Variants in KIF5B observed in about 807,000 individuals in gnomAD.
KIF5B encodes the protein kinesin-1 heavy chain.
In KIF5B, 49 loss-of-function variants were observed where a neutral mutation model predicts 132.8. The observed-to-expected ratio is 0.37, with a 90% CI of 0.29 to 0.47. The LOEUF (loss-of-function observed/expected upper bound fraction) is 0.47, where lower values mean the gene tolerates loss of function less well. Among genes scored for constraint, KIF5B ranks in the 20% least tolerant of loss-of-function variants. KIF5B has a pLI of 1.00. For synonymous variants in KIF5B, 355 were observed against 369.4 expected (o/e 0.96, Z 0.45); for missense variants, 780 against 1,144.0 (o/e 0.68, Z 4.59).
intron 2 of KIF5B, among the ~76,000 whole-genome samples, chr10:32,047,457 A>T (rs1471124922): frequency 6.6e-6 from 1 of 152,154 alleles, no homozygotes; most frequent in Non-Finnish European, 1.5e-5. Flanking sequence ...TTCAGCAGCT[A>T]ACCTTGAGTG....
chr10:32,053,421 T>TAA (rs34885039), intron 1 of KIF5B, among the ~76,000 whole-genome samples: 114 of 135,856 alleles, frequency 8.4e-4, no homozygotes, highest in South Asian at 1.2e-3. Flanking sequence ...GGTTACACGT[T>TAA]AAAAAAAAAA....
At position 32,048,246 on chromosome 10, in the gene KIF5B, T is replaced by C. The variant is rs184830569; in HGVS notation, c.214+218A>G. Among the ~76,000 whole-genome samples the C allele has an allele frequency of 5.4e-4, 83 of 152,352 alleles. 1 individual carries two copies. Among genetic ancestry groups the C allele is most frequent in the Middle Eastern group, 3.4e-3 (1 of 294 alleles). ...TAAGTGTGTAACATAGTTCTCATAA[T>C]AACCTTAATTAGGTACTGTATATAA... On this transcript the variant is annotated intron_variant, in intron 2 of 25. Transcript: ENST00000302418.
chr10:32,044,410 G>A lies in KIF5B; in HGVS notation c.215-3953C>T, dbSNP rs569101794. Among the ~76,000 whole-genome samples the A allele has an allele frequency of 1.1e-4, 16 of 152,234 alleles. No individual in the cohort carries two copies. The South Asian group carries it at 2.5e-3, about 24-fold the overall frequency. On this transcript the variant is annotated intron_variant, in intron 2 of 25. Transcript: ENST00000302418. ...ACACATGCCGGGCGTGGTGGCTCAC[G>A]CCTGTGATCCCAGCACTTTGGGAGG... is the stretch of plus-strand genomic sequence containing the variant.
At chr10:32,018,617 TAGC>T in intron 20 of KIF5B, 55 bp from the exon 21 acceptor site, 1 of 1,289,280 alleles carries the variant, frequency 7.8e-7, no homozygotes, top group Admixed American at 1.9e-5. Flanking sequence ...ATATTGTACT[TAGC>T]ATGAGAGTTG....
At chr10:32,022,668 C>A (rs573378792) in intron 16 of KIF5B, among the ~76,000 whole-genome samples, 180 bp downstream of exon 16, 1 of 152,192 alleles carries the variant, frequency 6.6e-6, no homozygotes, top group East Asian at 1.9e-4. Flanking sequence ...CTATACATAA[C>A]CCATATTTAT....
intron 20 of KIF5B, among the ~76,000 whole-genome samples, chr10:32,018,969 T>C (rs1350767213): frequency 6.6e-6 from 1 of 152,008 alleles, no homozygotes; most frequent in Non-Finnish European, 1.5e-5. Flanking sequence ...GTGCTGAGAT[T>C]ATGGGTGTGA....
chr10:32,016,590 A>G (rs915226508), intron 24 of KIF5B, among the ~76,000 whole-genome samples: 8 of 151,970 alleles, frequency 5.3e-5, no homozygotes, highest in Non-Finnish European at 1.2e-4. Context: ...CAATGGTGCA[A>G]TCTTGGCTCA....
chr10:32,035,683 A>G lies in KIF5B; in HGVS notation c.817-16T>C. On this transcript the variant is annotated splice_polypyrimidine_tract_variant and intron_variant, in intron 9 of 25. Coordinates refer to ENST00000302418, the MANE Select transcript of KIF5B (RefSeq NM_004521.3). Reference sequence around the variant, plus strand: ...GAACATATGTCTGCATACAAAAACAAAGAAAGAAAACAAGACCAGTATAAT... The same window carrying G: ...GAACATATGTCTGCATACAAAAACAGAGAAAGAAAACAAGACCAGTATAAT... The G allele has an allele frequency of 1.3e-6, 2 of 1,588,296 alleles. No homozygotes were observed. Among genetic ancestry groups the G allele is most frequent in the Non-Finnish European group, 1.7e-6 (2 of 1,170,454 alleles).
chr10:32,035,707 A>G, intron 9 of KIF5B, 40 bp from the exon 10 acceptor site: 1 of 1,551,000 alleles, frequency 6.4e-7, no homozygotes, highest in Non-Finnish European at 8.7e-7. Flanking sequence ...GACCAGTATA[A>G]TAAAATGTTA....
rs1212368562 is a variant in KIF5B, at chr10:32,036,715, A to AT, written c.711+538dup. On this transcript the variant is annotated intron_variant, in intron 8 of 25. Coordinates refer to ENST00000302418, the MANE Select transcript of KIF5B (RefSeq NM_004521.3). ...GACTTCAGAGTAGAACGGAATAGAT[A>AT]TATCATTCTAAGCAGAAGAAACAAA... is the stretch of plus-strand genomic sequence containing the variant. 9.8e-5 allele frequency among the ~76,000 whole-genome samples: 15 copies of AT among 152,400 alleles called. No individual in the cohort carries two copies. The South Asian group carries it at 2.1e-3, about 21-fold the overall frequency.
chr10:32,029,266 T>C (rs374712934), intron 14 of KIF5B, among the ~76,000 whole-genome samples: 3 of 152,232 alleles, frequency 2.0e-5, no homozygotes, highest in Admixed American at 6.5e-5. Flanking sequence ...TTTTGAGTGC[T>C]TGCATGATGC....
Position 32,028,398 on chromosome 10 carries a change from T to C in KIF5B, c.1725+30A>G, listed in dbSNP as rs1006949221. 24 of 1,564,074 alleles carry C rather than the reference T, an allele frequency of 1.5e-5. 2 individuals carry two copies. The highest frequency in any genetic ancestry group is 1.1e-5 in the South Asian group (1 of 88,664). ...CAAAAGTGCCAGTGTATACAGATAA[T>C]TGTCCTTAATACTTAGTTATTATAT... On this transcript the variant is annotated intron_variant, in intron 15 of 25. Transcript: ENST00000302418.
chr10:32,031,390 C>G, intron 13 of KIF5B, 111 bp from the exon 14 acceptor site: 1 of 763,396 alleles, frequency 1.3e-6, no homozygotes. Flanking sequence ...GGATGGTATT[C>G]AGTGTGGCAA....
At chr10:32,052,581 T>A (rs1841706801) in intron 1 of KIF5B, among the ~76,000 whole-genome samples, 1 of 152,218 alleles carries the variant, frequency 6.6e-6, no homozygotes, top group African/African-American at 2.4e-5. Context: ...GTAATTTTTT[T>A]ATTGATTTTT....
intron 23 of KIF5B, among the ~76,000 whole-genome samples, chr10:32,017,569 A>G (rs1187438207): frequency 6.6e-6 from 1 of 152,174 alleles, no homozygotes; most frequent in East Asian, 1.9e-4. Context: ...ATTTCCTTTA[A>G]TTTTTTAGGG....
rs1384425995 is a variant in KIF5B, at chr10:32,024,342, G to C, written c.1726-1306C>G. ...GCTAATTTTTTGTATTTTTAGTAGA[G>C]ACGGGGTTTCACCGTTTTAGCCAGG... is the stretch of plus-strand genomic sequence containing the variant. On this transcript the variant is annotated intron_variant, in intron 15 of 25. Transcript: ENST00000302418. 2.7e-5 allele frequency among the ~76,000 whole-genome samples: 4 copies of C among 145,666 alleles called. No homozygotes were observed. The East Asian group carries it at 6.1e-4, about 22-fold the overall frequency.
At chr10:32,016,743 T>C (rs1287818011) in intron 24 of KIF5B, among the ~76,000 whole-genome samples, 1 of 152,170 alleles carries the variant, frequency 6.6e-6, no homozygotes, top group Non-Finnish European at 1.5e-5. Context: ...TTTCACCATG[T>C]TAGGCTGGTC....
At chr10:32,032,046 A>G (rs949637098) in intron 13 of KIF5B, among the ~76,000 whole-genome samples, 1 of 151,540 alleles carries the variant, frequency 6.6e-6, no homozygotes, top group Non-Finnish European at 1.5e-5. Flanking sequence ...TCTGAACTGC[A>G]GGGATGCCAA....
intron 17 of KIF5B, 42 bp downstream of exon 17, chr10:32,022,098 A>G (rs1328395901): frequency 1.1e-6 from 1 of 948,806 alleles, no homozygotes; most frequent in African/African-American, 1.7e-5. Flanking sequence ...TTATACTAAA[A>G]TAAGAACACA....
Sources: allele counts gnomAD v4.1 joint callset (sites outside exome capture counted in the v4.1 genomes callset), GRCh38; gene constraint gnomAD v4.1.1; transcripts MANE v1.5; gene names NCBI Gene and HGNC (gene_info 2026-07-23, HGNC 2026-07-21).